GALNT12: variants seen among roughly 807,000 people sequenced by gnomAD.
GALNT12 encodes the protein UDP-GalNAc:polypeptide N-acetylgalactosaminyltransferase 12.
A neutral mutation model predicts 55.5 loss-of-function variants in GALNT12; 45 were observed. The ratio of observed to expected loss-of-function variants is 0.81; its 90% CI spans 0.64 to 1.04. GALNT12 has a LOEUF of 1.04. Among genes scored for constraint, GALNT12 ranks in the 50% least tolerant of loss-of-function variants. GALNT12 has a pLI of 0.00. For synonymous variants in GALNT12, 304 were observed against 312.2 expected, an observed-to-expected ratio of 0.97 and a Z score of 0.28; for missense variants, 709 against 754.8, an observed-to-expected ratio of 0.94 and a Z score of 0.71.
intron 1 of GALNT12, among the ~76,000 whole-genome samples, chr9:98,820,814 C>T (rs187915223): frequency 6.6e-6 from 1 of 152,296 alleles, no homozygotes; most frequent in African/African-American, 2.4e-5. Flanking sequence ...GATTGTATCT[C>T]TTCTTATTGG....
chr9:98,843,294 A>AT (rs1314693879), intron 7 of GALNT12, among the ~76,000 whole-genome samples: 8 of 152,342 alleles, frequency 5.3e-5, no homozygotes, highest in African/African-American at 1.9e-4. Context: ...TTAGAGTATT[A>AT]TACTGAATGA....
At position 98,826,829 on chromosome 9, in the gene GALNT12, G is replaced by A; in HGVS notation, c.619G>A (p.Gly207Ser). 1 of 1,611,696 alleles carries A rather than the reference G, an allele frequency of 6.2e-7. No homozygotes were observed. The highest frequency in any genetic ancestry group is 8.5e-7 in the Non-Finnish European group (1 of 1,179,462). The stretch of plus-strand genomic sequence containing the variant: ...CCTGATCCGCGCCAACAAGAGAGAG[G>A]GCCTGGTGCGAGCCCGGCTGCTGGG... ...VRLIRANKRE[G>S]LVRARLLGAS... The change falls in exon 3 of 10, where the codon GGC becomes AGC. Residue 207 changes from glycine (G) to serine (S), a missense_variant. Gly to Ser is a moderately conservative substitution (Grantham distance 56). Transcript: ENST00000375011.
chr9:98,815,431 A>G (rs752695410), intron 1 of GALNT12, among the ~76,000 whole-genome samples: 24 of 152,184 alleles, frequency 1.6e-4, no homozygotes, highest in Non-Finnish European at 2.9e-4. Context: ...TATTAAATGC[A>G]TTTTCTACTT....
chr9:98,846,650 A>G (rs1239399621), intron 9 of GALNT12, among the ~76,000 whole-genome samples: 2 of 151,984 alleles, frequency 1.3e-5, no homozygotes, highest in Non-Finnish European at 2.9e-5. Flanking sequence ...ATCCGAAGCC[A>G]GGAGTTCGAG....
At chr9:98,819,934 A>C (rs754289080) in intron 1 of GALNT12, among the ~76,000 whole-genome samples, 29 of 152,192 alleles carry the variant, frequency 1.9e-4, no homozygotes, top group Non-Finnish European at 3.7e-4. Flanking sequence ...GGGAGCAATA[A>C]ATGCTAACAT....
chr9:98,841,875 A>G (rs1836296848), intron 7 of GALNT12, among the ~76,000 whole-genome samples: 1 of 151,276 alleles, frequency 6.6e-6, no homozygotes, highest in Non-Finnish European at 1.5e-5. Flanking sequence ...ACGGGGTTTC[A>G]CTATGTTGGC....
intron 1 of GALNT12, among the ~76,000 whole-genome samples, chr9:98,810,707 T>A (rs1457277181): frequency 6.6e-6 from 1 of 152,042 alleles, no homozygotes; most frequent in Non-Finnish European, 1.5e-5. Flanking sequence ...TAAAAAGACA[T>A]TTTAGAGTAC....
At chr9:98,829,204 T>C (rs1835937260) in intron 3 of GALNT12, among the ~76,000 whole-genome samples, 1 of 148,518 alleles carries the variant, frequency 6.7e-6, no homozygotes, top group African/African-American at 2.5e-5. Context: ...TATCTATCTA[T>C]CTGAGACAGA....
At chr9:98,812,132 A>G (rs1307189923) in intron 1 of GALNT12, among the ~76,000 whole-genome samples, 1 of 152,242 alleles carries the variant, frequency 6.6e-6, no homozygotes, top group Non-Finnish European at 1.5e-5. Context: ...TGAGAACATC[A>G]GAGTGGCATT....
intron 1 of GALNT12, among the ~76,000 whole-genome samples, chr9:98,808,395 A>G (rs1835424521): frequency 6.6e-6 from 1 of 152,178 alleles, no homozygotes; most frequent in Non-Finnish European, 1.5e-5. Context: ...CCCAGCACCC[A>G]AAGGACAACC....
At position 98,807,741 on chromosome 9, in the gene GALNT12, C is replaced by A. The variant is rs1588436068; in HGVS notation, c.43C>A (p.Arg15=). Residue 15 remains arginine, a synonymous_variant, in exon 1 of 10, where the codon CGG becomes AGG. Transcript: ENST00000375011. ...TARRRCPREL[R]RGREALLVLL... Reference sequence around the variant, plus strand: ...GCGGCGGCGCTGCCCGCGGGAACTGCGGCGCGGCCGGGAGGCGCTGTTGGT... The same window carrying A: ...GCGGCGGCGCTGCCCGCGGGAACTGAGGCGCGGCCGGGAGGCGCTGTTGGT... 8.4e-7 allele frequency: 1 copy of A among 1,187,736 alleles called. No individual in the cohort carries two copies. The highest frequency in any genetic ancestry group is 1.0e-6 in the Non-Finnish European group (1 of 954,212). 73.6% of individuals were successfully genotyped at this position (1,187,736 alleles called of 1,614,324 possible).
Position 98,840,043 on chromosome 9 carries a change from C to T in GALNT12, c.1254C>T (p.Asp418=), listed in dbSNP as rs760018096. Reference sequence around the variant, plus strand: ...TGACAGAGAGGAAGCAGCTCCGGGACAAGCTCCAGTGTAAAGACTTCAAGT... The same window carrying T: ...TGACAGAGAGGAAGCAGCTCCGGGATAAGCTCCAGTGTAAAGACTTCAAGT... The part of the protein sequence containing the change: ...GDVTERKQLR[D]KLQCKDFKWF... Residue 418 remains aspartate, a synonymous_variant, in exon 7 of 10, where the codon GAC becomes GAT. Transcript: ENST00000375011. 1 of 1,614,192 alleles carries T rather than the reference C, an allele frequency of 6.2e-7. No homozygotes were observed. Among genetic ancestry groups the T allele is most frequent in the Non-Finnish European group, 8.5e-7 (1 of 1,180,036 alleles).
chr9:98,834,777 G>C (rs988137790), intron 4 of GALNT12, among the ~76,000 whole-genome samples: 9 of 152,180 alleles, frequency 5.9e-5, no homozygotes, highest in African/African-American at 1.9e-4. Flanking sequence ...CCTTCTTCTC[G>C]GAACGTGGTC....
At chr9:98,844,252 T>A in intron 8 of GALNT12, 43 bp downstream of exon 8, 1 of 1,284,642 alleles carries the variant, frequency 7.8e-7, no homozygotes, top group Non-Finnish European at 1.1e-6. Context: ...TGTGTTTTGT[T>A]AAAAAAATTA....
intron 1 of GALNT12, among the ~76,000 whole-genome samples, chr9:98,818,371 C>T (rs969745414): frequency 6.6e-5 from 10 of 152,140 alleles, no homozygotes; most frequent in Non-Finnish European, 1.0e-4. Context: ...TACAGGCAGG[C>T]GCCGCCATGC....
In GALNT12 at chr9:98,831,884, A is replaced by T; in HGVS notation, c.844A>T (p.Arg282Trp). The T allele has an allele frequency of 1.9e-6, 3 of 1,614,128 alleles. No individual in the cohort carries two copies. Among genetic ancestry groups the T allele is most frequent in the Non-Finnish European group, 1.7e-6 (2 of 1,180,020 alleles). ...GCCCCAGATCGGCGGTTTCGACTGGAGGCTGGTGTTCACGTGGCACACAGT... is the reference window on the plus strand; with the variant it reads ...GCCCCAGATCGGCGGTTTCGACTGGTGGCTGGTGTTCACGTGGCACACAGT... ...GEPQIGGFDW[R>W]LVFTWHTVPE... The change falls in exon 4 of 10, where the codon AGG (arginine) becomes TGG (tryptophan). Residue 282 changes from arginine (R) to tryptophan (W), a missense_variant. Coordinates refer to ENST00000375011, the MANE Select transcript of GALNT12 (RefSeq NM_024642.5).
intron 9 of GALNT12, 50 bp downstream of exon 9, chr9:98,846,173 G>C: frequency 6.2e-7 from 1 of 1,607,422 alleles, no homozygotes; most frequent in Non-Finnish European, 8.5e-7. Context: ...GGGCTATAAG[G>C]GAGAGTGTGA....
chr9:98,847,780 A>G (rs1409612737), intron 9 of GALNT12, among the ~76,000 whole-genome samples: 5 of 151,282 alleles, frequency 3.3e-5, no homozygotes, highest in African/African-American at 7.3e-5. Context: ...TCACTAGACC[A>G]TAATAGAAAG....
In GALNT12 at chr9:98,832,707, C is replaced by T. The variant is rs1055299185; in HGVS notation, c.917+750C>T. Among the ~76,000 whole-genome samples the T allele has an allele frequency of 1.2e-4, 18 of 152,238 alleles. 1 individual carries two copies. Among genetic ancestry groups the T allele is most frequent in the African/African-American group, 2.9e-4 (12 of 41,544 alleles). On this transcript the variant is annotated intron_variant, in intron 4 of 9. Transcript: ENST00000375011. ...CCCTGGGAACCTCTGTTCTTTCAGG[C>T]GCCCCATGTGAGTGGAATCATACAA...
Sources: gnomAD v4.1 joint callset for allele counts (sites outside exome capture counted in the v4.1 genomes callset) on GRCh38, gnomAD v4.1.1 for gene constraint, MANE v1.5 for transcripts, NCBI Gene and HGNC (gene_info 2026-07-23, HGNC 2026-07-21) for gene names.